Variants in INTS14 observed in about 807,000 individuals in gnomAD.
INTS14 encodes UPF0464 protein C15orf44.
INTS14 carries 27 observed loss-of-function variants against 56.9 expected under a neutral mutation model. That is an observed-to-expected ratio of 0.47 (90% confidence interval 0.35 to 0.65). The LOEUF (loss-of-function observed/expected upper bound fraction) is 0.65. INTS14 is among the 30% of genes least tolerant of loss of function. The probability of loss-of-function intolerance (pLI) is 0.00; values close to 1 mark genes in which losing one functional copy is unlikely to be tolerated. For synonymous variants in INTS14, 207 were observed against 236.2 expected (o/e 0.88, Z 1.13); for missense variants, 517 against 632.2 (o/e 0.82, Z 1.95).
In INTS14 at chr15:65,579,614, C is replaced by G. The variant is rs767512222; in HGVS notation, c.1351G>C (p.Asp451His). The change falls in exon 12 of 12, where the codon GAC becomes CAC. Residue 451 changes from aspartate (D) to histidine (H), a missense_variant. Asp to His is a moderately conservative substitution (Grantham distance 81). Coordinates refer to ENST00000313182, the MANE Select transcript of INTS14 (RefSeq NM_001394796.1). ...RKAALAFGFL[D>H]LLKGVADMLE... ...ATGTCAGCCACCCCTTTCAGCAGGT[C>G]CAGGAAACCAAAGGCTAGAGCGGCC... 1 of 1,614,158 alleles carries G rather than the reference C, an allele frequency of 6.2e-7. No homozygotes were observed. Among genetic ancestry groups the G allele is most frequent in the Non-Finnish European group, 8.5e-7 (1 of 1,180,012 alleles).
intron 3 of INTS14, among the ~76,000 whole-genome samples, chr15:65,604,030 CTGA>C (rs2073544554): frequency 6.6e-6 from 1 of 152,176 alleles, no homozygotes; most frequent in African/African-American, 2.4e-5. Flanking sequence ...CTACTCTGCT[CTGA>C]TTTGATACTA....
intron 1 of INTS14, among the ~76,000 whole-genome samples, chr15:65,608,475 T>C (rs2073737433): frequency 6.6e-6 from 1 of 151,974 alleles, no homozygotes; most frequent in Non-Finnish European, 1.5e-5. Context: ...GATTGAGAAT[T>C]AGCATAAAGA....
At chr15:65,602,626 T>C (rs974375312) in intron 3 of INTS14, among the ~76,000 whole-genome samples, 11 of 152,064 alleles carry the variant, frequency 7.2e-5, no homozygotes, top group African/African-American at 2.7e-4. Flanking sequence ...TAGTAACTGA[T>C]TATAAAAACA....
intron 9 of INTS14, among the ~76,000 whole-genome samples, chr15:65,588,517 A>C (rs1596241426): frequency 6.6e-6 from 1 of 151,788 alleles, no homozygotes; most frequent in African/African-American, 2.4e-5. Context: ...AAAATACAAC[A>C]ATTAGCCGGG....
chr15:65,603,840 CAG>C (rs1337103877), intron 3 of INTS14, among the ~76,000 whole-genome samples: 2 of 152,208 alleles, frequency 1.3e-5, no homozygotes, highest in African/African-American at 4.8e-5. Flanking sequence ...GCTATAACAG[CAG>C]AGCTGAGTAG....
intron 1 of INTS14, 26 bp from the exon 2 acceptor site, chr15:65,607,468 A>G (rs754175138): frequency 6.4e-6 from 10 of 1,559,038 alleles, no homozygotes; most frequent in Admixed American, 1.9e-5. Context: ...ACGTTCTTAC[A>G]TGTCATGGAG....
In INTS14 at chr15:65,591,739, G is replaced by A. The variant is rs375115954; in HGVS notation, c.987-8C>T. Reference sequence around the variant, plus strand: ...ATTCCATGCCATTCAGGACTAGATGGAGAGAAGACGGAAGATCAGAAGAAC... The same window carrying A: ...ATTCCATGCCATTCAGGACTAGATGAAGAGAAGACGGAAGATCAGAAGAAC... On this transcript the variant is annotated splice_region_variant and splice_polypyrimidine_tract_variant and intron_variant, in intron 8 of 11. Transcript: ENST00000313182. 5.2e-5 allele frequency: 84 copies of A among 1,613,348 alleles called. No homozygotes were observed. The highest frequency in any genetic ancestry group is 6.7e-5 in the Non-Finnish European group (79 of 1,179,772).
In INTS14 at chr15:65,579,503, G is replaced by T; in HGVS notation, c.1462C>A (p.Leu488Met). The change falls in exon 12 of 12, where the codon CTG becomes ATG. Residue 488 changes from leucine to methionine, a missense_variant. Transcript: ENST00000313182. ...QLTHAAQQLK[L>M]ASTGTSEYAA... ...TACTCAGAGGTGCCGGTACTGGCCA[G>T]CTTGAGCTGCTGGGCAGCATGGGTC... 6.2e-7 allele frequency: 1 copy of T among 1,614,258 alleles called. No homozygotes were observed. Among genetic ancestry groups the T allele is most frequent in the South Asian group, 1.1e-5 (1 of 91,092 alleles).
chr15:65,583,719 T>C (rs970689428), intron 10 of INTS14, among the ~76,000 whole-genome samples: 2 of 152,068 alleles, frequency 1.3e-5, no homozygotes, highest in Non-Finnish European at 2.9e-5. Context: ...CCCAAGATAG[T>C]AGTGAAGATT....
At chr15:65,599,222 A>C (rs1399044598) in intron 4 of INTS14, among the ~76,000 whole-genome samples, 2 of 152,192 alleles carry the variant, frequency 1.3e-5, no homozygotes, top group Non-Finnish European at 2.9e-5. Context: ...TAGTTTTGCA[A>C]AGATTCTCAG....
intron 9 of INTS14, among the ~76,000 whole-genome samples, chr15:65,588,563 G>T (rs184852491): frequency 1.1e-4 from 16 of 152,046 alleles, no homozygotes; most frequent in Admixed American, 9.8e-4. Flanking sequence ...AGCTATTAGG[G>T]AGGCAGAGGC....
chr15:65,579,160 A>G lies in INTS14; in HGVS notation c.*248T>C. The G allele has an allele frequency of 2.2e-6, 1 of 460,632 alleles. No homozygotes were observed. 28.5% of individuals were successfully genotyped at this position (460,632 alleles called of 1,614,324 possible). On this transcript the variant is annotated 3_prime_UTR_variant, in exon 12 of 12. Transcript: ENST00000313182. Reference sequence around the variant, plus strand: ...TTCAAGCTTCTCAGGAAATGTGCCCATCATGGGAACAGCAGCTATCTTCCA... The same window carrying G: ...TTCAAGCTTCTCAGGAAATGTGCCCGTCATGGGAACAGCAGCTATCTTCCA...
intron 10 of INTS14, 36 bp from the exon 11 acceptor site, chr15:65,582,055 TTC>T (rs770579717): frequency 6.5e-7 from 1 of 1,539,404 alleles, no homozygotes; most frequent in Non-Finnish European, 8.8e-7. Context: ...AACATTAGAA[TTC>T]TGTGGTAAAA....
chr15:65,605,220 A>G lies in INTS14; in HGVS notation c.239T>C (p.Met80Thr), dbSNP rs2073602793. The change falls in exon 3 of 12, where the codon ATG (methionine) becomes ACG (threonine). Residue 80 changes from methionine to threonine, a missense_variant. Coordinates refer to ENST00000313182, the MANE Select transcript of INTS14 (RefSeq NM_001394796.1). ...YNTLQEALSN[M>T]DDYDKTCLES... is the part of the protein sequence containing the mutation. ...CAAGCAGGTTTTGTCATAATCATCC[A>G]TATTACTTAGTGCTTCCTTATTGAA... The G allele has an allele frequency of 6.2e-7, 1 of 1,613,618 alleles. No individual in the cohort carries two copies. The highest frequency in any genetic ancestry group is 8.5e-7 in the Non-Finnish European group (1 of 1,179,596).
chr15:65,588,470 G>T (rs941584508), intron 9 of INTS14, among the ~76,000 whole-genome samples: 12 of 151,910 alleles, frequency 7.9e-5, no homozygotes, highest in African/African-American at 2.9e-4. Context: ...TTTGAGACCA[G>T]CCTGACCAAC....
chr15:65,587,580 G>C (rs1241348618), intron 9 of INTS14, among the ~76,000 whole-genome samples: 1 of 152,206 alleles, frequency 6.6e-6, no homozygotes. Context: ...ACTATATTGG[G>C]AGGATAGTAG....
chr15:65,610,587 A>C (rs2141349683), intron 1 of INTS14: 2 of 1,378,626 alleles, frequency 1.5e-6, no homozygotes, highest in South Asian at 2.5e-5. Flanking sequence ...GACGTTTGTA[A>C]TTCTTCCCTG....
intron 1 of INTS14, among the ~76,000 whole-genome samples, chr15:65,609,465 C>T (rs1489433197): frequency 2.0e-5 from 3 of 151,998 alleles, no homozygotes; most frequent in East Asian, 1.9e-4. Flanking sequence ...CCATAACATA[C>T]GCTCACTAAG....
chr15:65,607,191 C>G lies in INTS14; in HGVS notation c.190G>C (p.Val64Leu). 6.2e-7 allele frequency: 1 copy of G among 1,614,172 alleles called. No homozygotes were observed. Among genetic ancestry groups the G allele is most frequent in the South Asian group, 1.1e-5 (1 of 91,078 alleles). Residue 64 changes from valine to leucine, a missense_variant, in exon 2 of 12, where the codon GTC (valine) becomes CTC (leucine). Val to Leu is a conservative substitution (Grantham distance 32, BLOSUM62 1). Transcript: ENST00000313182. Reference protein sequence around the residue: ...VVFSSLWELMVPFTRDYNTLQ... With the variant: ...VVFSSLWELMLPFTRDYNTLQ... Reference sequence around the variant, plus strand: ...GTATTATAATCTCTCGTGAAGGGGACCATCAACTCCCAAAGTGATGAAAAA... The same window carrying G: ...GTATTATAATCTCTCGTGAAGGGGAGCATCAACTCCCAAAGTGATGAAAAA...
Sources: gnomAD v4.1 joint callset for allele counts (sites outside exome capture counted in the v4.1 genomes callset) on GRCh38, gnomAD v4.1.1 for gene constraint, MANE v1.5 for transcripts, NCBI Gene and HGNC (gene_info 2026-07-23, HGNC 2026-07-21) for gene names.